WDR70: variants seen among roughly 807,000 people sequenced by gnomAD.
The protein encoded by WDR70 is WD repeat-containing protein 70.
WDR70 carries 53 observed loss-of-function variants against 88.6 expected under a neutral mutation model. The observed-to-expected ratio is 0.60, with a 90% CI of 0.48 to 0.75. The LOEUF (loss-of-function observed/expected upper bound fraction) is 0.75. Ranked by LOEUF, WDR70 falls within the 30% of genes least tolerant of loss-of-function variation. The pLI, the probability that WDR70 is intolerant of heterozygous loss-of-function variation, is 0.00. For synonymous variants in WDR70, 280 were observed against 270.0 expected (o/e 1.04, Z -0.36); for missense variants, 610 against 823.2 (o/e 0.74, Z 3.17).
intron 5 of WDR70, among the ~76,000 whole-genome samples, chr5:37,414,891 A>G (rs1262081923): frequency 6.7e-6 from 1 of 148,632 alleles, no homozygotes; most frequent in East Asian, 1.9e-4. Flanking sequence ...AAACAAGTGA[A>G]CAAAGGTCTC....
At chr5:37,641,645 G>A (rs1745106597) in intron 10 of WDR70, among the ~76,000 whole-genome samples, 1 of 152,032 alleles carries the variant, frequency 6.6e-6, no homozygotes, top group Admixed American at 6.6e-5. Flanking sequence ...TTGAACGCCT[G>A]ACCTTAGGTG....
intron 17 of WDR70, among the ~76,000 whole-genome samples, chr5:37,735,930 CAAAG>C (rs1748292921): frequency 6.6e-6 from 1 of 152,128 alleles, no homozygotes; most frequent in African/African-American, 2.4e-5. Context: ...GTGATGATAA[CAAAG>C]AGTCTTTAAA....
chr5:37,575,958 A>G (rs1743037655), intron 9 of WDR70, among the ~76,000 whole-genome samples: 1 of 152,126 alleles, frequency 6.6e-6, no homozygotes, highest in South Asian at 2.1e-4. Context: ...TATCTGCTGG[A>G]TAATTTATTG....
intron 9 of WDR70, among the ~76,000 whole-genome samples, chr5:37,577,365 C>G (rs1473273524): frequency 6.6e-6 from 1 of 152,092 alleles, no homozygotes; most frequent in Non-Finnish European, 1.5e-5. Flanking sequence ...GCCTGCAGTC[C>G]TAGCTACTCA....
chr5:37,660,242 CAAT>C (rs1179790687), intron 10 of WDR70, among the ~76,000 whole-genome samples: 2 of 152,092 alleles, frequency 1.3e-5, no homozygotes, highest in African/African-American at 4.8e-5. Flanking sequence ...TAGTTTATCT[CAAT>C]AAATATTTCA....
intron 17 of WDR70, among the ~76,000 whole-genome samples, chr5:37,749,735 A>C (rs1307795823): frequency 6.6e-6 from 1 of 151,902 alleles, no homozygotes; most frequent in East Asian, 1.9e-4. Flanking sequence ...AGTGGGGACC[A>C]AGGAAACTGT....
chr5:37,514,339 C>CATACATACAT (rs1330415670), intron 8 of WDR70, among the ~76,000 whole-genome samples: 19 of 28,742 alleles, frequency 6.6e-4, no homozygotes, highest in African/African-American at 1.1e-3. Context: ...TTTAGAACTA[C>CATACATACAT]ATATATATAT....
chr5:37,436,201 TGTGGCCA>T (rs1316164529), intron 5 of WDR70, among the ~76,000 whole-genome samples: 1 of 152,140 alleles, frequency 6.6e-6, no homozygotes, highest in African/African-American at 2.4e-5. Flanking sequence ...TCTAAGATGA[TGTGGCCA>T]ATATAGGAGG....
chr5:37,645,261 G>A (rs72740981), intron 10 of WDR70, among the ~76,000 whole-genome samples: 4,963 of 150,798 alleles, frequency 0.033, 118 homozygotes, highest in Middle Eastern at 0.12. Flanking sequence ...AGCATGTTAT[G>A]TTGTTTCATT....
At chr5:37,673,583 A>ACCT (rs1554010663) in intron 10 of WDR70, among the ~76,000 whole-genome samples, 1 of 76,230 alleles carries the variant, frequency 1.3e-5, no homozygotes, top group Non-Finnish European at 2.4e-5. Context: ...GACTTTTCTT[A>ACCT]CCCCCCCCCC....
At chr5:37,401,164 A>ATTTT (rs559450523) in intron 5 of WDR70, among the ~76,000 whole-genome samples, 19 of 69,152 alleles carry the variant, frequency 2.7e-4, no homozygotes, top group South Asian at 7.4e-4. Context: ...ACACCTAGCT[A>ATTTT]TTTTTTTTTT....
At chr5:37,603,703 A>T (rs368843779) in intron 9 of WDR70, among the ~76,000 whole-genome samples, 1 of 152,156 alleles carries the variant, frequency 6.6e-6, no homozygotes, top group Non-Finnish European at 1.5e-5. Context: ...GGTTGAATTT[A>T]TATCTGCCAT....
chr5:37,411,587 G>GTGT (rs1240318579), intron 5 of WDR70, among the ~76,000 whole-genome samples: 4 of 152,148 alleles, frequency 2.6e-5, no homozygotes, highest in Non-Finnish European at 5.9e-5. Flanking sequence ...TTATCCGGGT[G>GTGT]TGTTGGCACG....
At chr5:37,546,167 C>T (rs1741985327) in intron 9 of WDR70, among the ~76,000 whole-genome samples, 1 of 152,100 alleles carries the variant, frequency 6.6e-6, no homozygotes, top group African/African-American at 2.4e-5. Context: ...GTTTAATTTA[C>T]ATTTTTCTAG....
At chr5:37,672,622 C>T (rs1302440655) in intron 10 of WDR70, among the ~76,000 whole-genome samples, 1 of 152,140 alleles carries the variant, frequency 6.6e-6, no homozygotes, top group Non-Finnish European at 1.5e-5. Context: ...GATTCCTTTG[C>T]TCACATATTT....
chr5:37,696,033 G>T (rs745412420), intron 10 of WDR70, among the ~76,000 whole-genome samples: 4 of 152,062 alleles, frequency 2.6e-5, no homozygotes, highest in Non-Finnish European at 4.4e-5. Flanking sequence ...CAGTGCTCAC[G>T]TATTACTCTG....
At chr5:37,673,551 T>A (rs1443726541) in intron 10 of WDR70, among the ~76,000 whole-genome samples, 1 of 150,706 alleles carries the variant, frequency 6.6e-6, no homozygotes, top group Admixed American at 6.6e-5. Context: ...CTCTGCAACT[T>A]CATGAGCGCC....
chr5:37,484,159 C>T (rs1279982493), intron 8 of WDR70, among the ~76,000 whole-genome samples: 17 of 152,324 alleles, frequency 1.1e-4, no homozygotes, highest in Middle Eastern at 3.4e-3. Context: ...GGGTGGCAGC[C>T]GGGCAGAGGC....
At chr5:37,683,824 A>T (rs377217354) in intron 10 of WDR70, among the ~76,000 whole-genome samples, 11 of 152,236 alleles carry the variant, frequency 7.2e-5, no homozygotes, top group Admixed American at 5.2e-4. Context: ...GTATCTTGGA[A>T]TGATCTTCTC....
Sources: allele counts gnomAD v4.1 joint callset (sites outside exome capture counted in the v4.1 genomes callset), GRCh38; gene constraint gnomAD v4.1.1; transcripts MANE v1.5; gene names NCBI Gene and HGNC (gene_info 2026-07-23, HGNC 2026-07-21).